CCDC62: variants seen among roughly 807,000 people sequenced by gnomAD.
CCDC62 encodes the protein coiled-coil domain-containing protein 62.
Under a neutral mutation model 80.8 loss-of-function variants are expected in CCDC62, and 72 were observed. That is an observed-to-expected ratio of 0.89 (90% CI 0.74 to 1.08). The LOEUF is 1.08. CCDC62 is among the 50% of genes least tolerant of loss of function. The pLI, the probability that CCDC62 is intolerant of heterozygous loss-of-function variation, is 0.00. For synonymous variants in CCDC62, 286 were observed against 296.5 expected (o/e 0.96, Z 0.36); for missense variants, 704 against 809.4 (o/e 0.87, Z 1.58).
At chr12:122,800,976 T>A in intron 8 of CCDC62, 148 bp from the exon 9 acceptor site, 1 of 735,042 alleles carries the variant, frequency 1.4e-6, no homozygotes, top group Non-Finnish European at 2.2e-6. Context: ...AAAGGATTCC[T>A]GGAGAAGGTC....
At chr12:122,794,176 ATAT>A (rs1286832579) in intron 6 of CCDC62, among the ~76,000 whole-genome samples, 4 of 152,224 alleles carry the variant, frequency 2.6e-5, no homozygotes, top group Non-Finnish European at 4.4e-5. Context: ...TTGTTAGCTA[ATAT>A]TATAATAAAT....
At chr12:122,791,911 C>T (rs535803715) in intron 5 of CCDC62, 109 bp from the exon 6 acceptor site, 1 of 739,900 alleles carries the variant, frequency 1.4e-6, no homozygotes, top group Admixed American at 2.1e-5. Context: ...TCTATAGATC[C>T]ATCAGGACCG....
Position 122,774,603 on chromosome 12 carries a change from G to A in CCDC62, c.-68G>A. 1 of 1,174,894 alleles carries A rather than the reference G, an allele frequency of 8.5e-7. No individual in the cohort carries two copies. The highest frequency in any genetic ancestry group is 1.6e-5 in the African/African-American group (1 of 62,650). 72.8% of individuals were successfully genotyped at this position (1,174,894 alleles called of 1,614,324 possible). A position where few individuals can be genotyped will look rare whatever the true frequency, so the allele number is the denominator to read the frequency against. ...GGCTCGCCCCCGCCGCTCGGGGCAG[G>A]CGCGCCGATGGCGTTTCTGAGGTGA... On this transcript the variant is annotated 5_prime_UTR_variant, in exon 1 of 13. Coordinates refer to ENST00000253079, the MANE Select transcript of CCDC62 (RefSeq NM_201435.5).
At chr12:122,812,050 G>A (rs1166598204) in intron 10 of CCDC62, among the ~76,000 whole-genome samples, 1 of 152,088 alleles carries the variant, frequency 6.6e-6, no homozygotes, top group Admixed American at 6.6e-5. Flanking sequence ...TGGTTGAGGA[G>A]AGTTAACCAA....
In CCDC62 at chr12:122,798,252, C is replaced by T. The variant is rs182060329; in HGVS notation, c.977+52C>T. On this transcript the variant is annotated intron_variant, in intron 8 of 12. Transcript: ENST00000253079. ...TGATCTTGTATTATATTCCATCAGC[C>T]AGTATTTACTGCGCACTTACTGTTG... 4.4e-6 allele frequency: 4 copies of T among 901,356 alleles called. No homozygotes were observed. The Admixed American group carries it at 7.4e-5, about 17-fold the overall frequency. The allele number at this position is 901,356 out of a possible 1,614,324, so 55.8% of individuals were successfully genotyped here.
chr12:122,784,741 G>A (rs897296656), intron 3 of CCDC62, among the ~76,000 whole-genome samples: 5 of 151,936 alleles, frequency 3.3e-5, no homozygotes, highest in African/African-American at 9.7e-5. Flanking sequence ...ACACTGAGGT[G>A]GGAGGACTGC....
chr12:122,823,527 A>G (rs1323590043), intron 12 of CCDC62, 68 bp downstream of exon 12: 2 of 820,730 alleles, frequency 2.4e-6, no homozygotes, highest in South Asian at 1.5e-5. Flanking sequence ...GGGAACATCG[A>G]TAACGTTGAG....
intron 11 of CCDC62, among the ~76,000 whole-genome samples, chr12:122,823,030 G>T (rs2032477065): frequency 6.6e-6 from 1 of 151,970 alleles, no homozygotes; most frequent in Admixed American, 6.6e-5. Context: ...GCGTGATCTT[G>T]GCTTACTGCA....
chr12:122,797,336 C>A lies in CCDC62; in HGVS notation c.802C>A (p.Leu268Ile). Residue 268 changes from leucine to isoleucine, a missense_variant, in exon 7 of 13, where the codon CTT becomes ATT. Coordinates refer to ENST00000253079, the MANE Select transcript of CCDC62 (RefSeq NM_201435.5). Reference sequence around the variant, plus strand: ...GAGAGAAAAGAGGAAAGATGAATTGCTTAATATTGCGAAGTCAAAGCAAGA... The same window carrying A: ...GAGAGAAAAGAGGAAAGATGAATTGATTAATATTGCGAAGTCAAAGCAAGA... ...VEREKRKDEL[L>I]NIAKSKQERT... is the part of the protein sequence containing the mutation. 1 of 1,591,086 alleles carries A rather than the reference C, an allele frequency of 6.3e-7. No homozygotes were observed. The highest frequency in any genetic ancestry group is 8.6e-7 in the Non-Finnish European group (1 of 1,159,510).
In CCDC62 at chr12:122,780,332, G is replaced by A. The variant is rs551946836; in HGVS notation, c.230-832G>A. On this transcript the variant is annotated intron_variant, in intron 2 of 12. Transcript: ENST00000253079. ...TCTCAACGAAAAAAAAAAAAAAGAA[G>A]GCCGGGCATGGTGGCTCACGCCTGT... Among the ~76,000 whole-genome samples, 356 of 146,414 alleles carry A rather than the reference G, an allele frequency of 2.4e-3. 1 individual carries two copies. Among genetic ancestry groups the A allele is most frequent in the African/African-American group, 8.6e-3 (338 of 39,428 alleles).
chr12:122,774,725 CG>C lies in CCDC62; in HGVS notation c.36+20del. Reference sequence around the variant, plus strand: ...GCGCCAGGTAAGCAGCGGTTCCGGGCGCGGCGGGGCGCCGCGGGAACGGTGC... The same window carrying C: ...GCGCCAGGTAAGCAGCGGTTCCGGGCCGGCGGGGCGCCGCGGGAACGGTGC... On this transcript the variant is annotated intron_variant, in intron 1 of 12. Coordinates refer to ENST00000253079, the MANE Select transcript of CCDC62 (RefSeq NM_201435.5). 8.0e-7 allele frequency: 1 copy of C among 1,248,724 alleles called. No individual in the cohort carries two copies. 77.4% of individuals were successfully genotyped at this position (1,248,724 alleles called of 1,614,324 possible).
chr12:122,812,777 G>GAGAGAGAGAGAGAGAGAAAGAA (rs750420995), intron 10 of CCDC62, among the ~76,000 whole-genome samples: 3 of 57,756 alleles, frequency 5.2e-5, no homozygotes, highest in African/African-American at 2.3e-4. Context: ...GAGAGAGAGA[G>GAGAGAGAGAGAGAGAGAAAGAA]AGAAAGAAAG....
chr12:122,816,340 A>G (rs889287403), intron 11 of CCDC62, among the ~76,000 whole-genome samples: 3 of 152,210 alleles, frequency 2.0e-5, no homozygotes, highest in Admixed American at 6.5e-5. Context: ...AAATGTATGC[A>G]GTGAGGCTGC....
chr12:122,809,883 A>T (rs1246230371), intron 10 of CCDC62, among the ~76,000 whole-genome samples: 3 of 152,142 alleles, frequency 2.0e-5, no homozygotes, highest in Non-Finnish European at 2.9e-5. Flanking sequence ...CAACTATCTG[A>T]TCTTTGACAA....
intron 4 of CCDC62, 99 bp from the exon 5 acceptor site, chr12:122,788,659 G>C (rs7486414): frequency 2.7e-6 from 2 of 738,082 alleles, no homozygotes; most frequent in Non-Finnish European, 4.5e-6. Context: ...AATGCTTAGA[G>C]TGGAACCTGG....
intron 5 of CCDC62, among the ~76,000 whole-genome samples, chr12:122,790,637 C>T (rs1309891236): frequency 6.6e-6 from 1 of 151,998 alleles, no homozygotes; most frequent in Non-Finnish European, 1.5e-5. Flanking sequence ...GCCTGGGCAA[C>T]AGAGCAAGAT....
At chr12:122,792,220 TTGAGACAGGGTC>T in intron 6 of CCDC62, 99 bp downstream of exon 6, 1 of 581,616 alleles carries the variant, frequency 1.7e-6, no homozygotes. Context: ...TTTTTTTTTT[TTGAGACAGGGTC>T]TTTTTTGAGA....
intron 11 of CCDC62, among the ~76,000 whole-genome samples, chr12:122,822,549 T>A (rs1458474369): frequency 3.4e-5 from 5 of 148,134 alleles, no homozygotes; most frequent in Non-Finnish European, 5.9e-5. Context: ...ATCACTATTC[T>A]ACTCTCTGCT....
At chr12:122,775,660 T>C (rs947639367) in intron 1 of CCDC62, among the ~76,000 whole-genome samples, 1 of 152,228 alleles carries the variant, frequency 6.6e-6, no homozygotes, top group Non-Finnish European at 1.5e-5. Flanking sequence ...TCCCCAGGGC[T>C]GGAGTACAGT....
Sources: allele counts gnomAD v4.1 joint callset (sites outside exome capture counted in the v4.1 genomes callset), GRCh38; gene constraint gnomAD v4.1.1; transcripts MANE v1.5; gene names NCBI Gene and HGNC (gene_info 2026-07-23, HGNC 2026-07-21).